The following LHFPL6 variants were observed in gnomAD, a reference collection of about 807,000 sequenced individuals.
LHFPL6 encodes the protein LHFPL tetraspan subfamily member 6.
In LHFPL6, 9 loss-of-function variants were observed where a neutral mutation model predicts 20.6. The ratio of observed to expected loss-of-function variants is 0.44; its 90% CI spans 0.26 to 0.76. LHFPL6 has a LOEUF of 0.76. Among genes scored for constraint, LHFPL6 ranks in the 30% least tolerant of loss-of-function variants. The pLI, the probability that LHFPL6 is intolerant of heterozygous loss-of-function variation, is 0.20. For synonymous variants in LHFPL6, 105 were observed against 98.7 expected (o/e 1.06, Z -0.38); for missense variants, 218 against 253.5 (o/e 0.86, Z 0.95).
chr13:39,588,648 A>G (rs1872520664), intron 2 of LHFPL6, among the ~76,000 whole-genome samples: 1 of 152,254 alleles, frequency 6.6e-6, no homozygotes, highest in Non-Finnish European at 1.5e-5. Flanking sequence ...CCTCAGTTCT[A>G]AGGGGACATT....
chr13:39,428,311 C>G (rs997142178), intron 2 of LHFPL6, among the ~76,000 whole-genome samples: 3 of 152,076 alleles, frequency 2.0e-5, no homozygotes, highest in African/African-American at 7.3e-5. Context: ...TTAAAAGTTT[C>G]ATAGAATTCA....
At chr13:39,378,774 T>G (rs1235475059) in intron 2 of LHFPL6, among the ~76,000 whole-genome samples, 2 of 152,224 alleles carry the variant, frequency 1.3e-5, no homozygotes, top group Non-Finnish European at 2.9e-5. Context: ...TTAAAAGCCT[T>G]GCAAATCCTG....
At chr13:39,461,798 C>A (rs184383385) in intron 2 of LHFPL6, among the ~76,000 whole-genome samples, 423 of 150,680 alleles carry the variant, frequency 2.8e-3, no homozygotes, top group Non-Finnish European at 5.2e-3. Flanking sequence ...ATTAAACAGT[C>A]TCAGCCCAGC....
intron 2 of LHFPL6, among the ~76,000 whole-genome samples, chr13:39,463,527 G>T (rs1286439194): frequency 6.6e-6 from 1 of 152,024 alleles, no homozygotes; most frequent in Non-Finnish European, 1.5e-5. Context: ...TGTATATCTT[G>T]CATACAAAGA....
At position 39,568,277 on chromosome 13, in the gene LHFPL6, GA is replaced by G. The variant is rs36041811; in HGVS notation, c.385+32554del. On this transcript the variant is annotated intron_variant, in intron 2 of 3. Transcript: ENST00000379589. Reference sequence around the variant, plus strand: ...GAACAATATAAAGTGGAAATATCCAGAAAAAAAAAACAGAATATGATATAGA... The same window carrying G: ...GAACAATATAAAGTGGAAATATCCAGAAAAAAAAACAGAATATGATATAGA... 4.4e-4 allele frequency among the ~76,000 whole-genome samples: 65 copies of G among 148,368 alleles called. 1 individual carries two copies. Among genetic ancestry groups the G allele is most frequent in the African/African-American group, 1.1e-3 (44 of 40,590 alleles).
At position 39,496,678 on chromosome 13, in the gene LHFPL6, T is replaced by C. The variant is rs187030374; in HGVS notation, c.385+104154A>G. Among the ~76,000 whole-genome samples the C allele has an allele frequency of 2.7e-3, 416 of 152,308 alleles. 3 individuals carry two copies. The highest frequency in any genetic ancestry group is 9.5e-3 in the African/African-American group (396 of 41,566). ...ATAAAAGAGCATGCAGCTTCATGAA[T>C]GGCTAGACCAAAAATACTCACCACA... is the stretch of plus-strand genomic sequence containing the variant. On this transcript the variant is annotated intron_variant, in intron 2 of 3. Transcript: ENST00000379589.
At chr13:39,362,867 T>C (rs566866045) in intron 3 of LHFPL6, among the ~76,000 whole-genome samples, 3 of 152,308 alleles carry the variant, frequency 2.0e-5, no homozygotes, top group Admixed American at 6.5e-5. Flanking sequence ...ATTCAGGAGA[T>C]GAATAAGTGT....
rs138491299 is a variant in LHFPL6 at position 39,437,632 on chromosome 13, G to A, written c.386-59106C>T. Among the ~76,000 whole-genome samples the A allele has an allele frequency of 5.9e-3, 900 of 152,250 alleles. 6 individuals carry two copies. The highest frequency in any genetic ancestry group is 0.02 in the African/African-American group (849 of 41,540). ...TGCAAGAATTAAATAGGCCAGGCGC[G>A]GTGGCTCACGCCTGTAATCCCAGCA... On this transcript the variant is annotated intron_variant, in intron 2 of 3. Coordinates refer to ENST00000379589, the MANE Select transcript of LHFPL6 (RefSeq NM_005780.3).
At chr13:39,409,145 T>A (rs1464439308) in intron 2 of LHFPL6, among the ~76,000 whole-genome samples, 1 of 152,178 alleles carries the variant, frequency 6.6e-6, no homozygotes, top group Non-Finnish European at 1.5e-5. Context: ...CCCTGAGTCA[T>A]CAGACCTAGC....
intron 1 of LHFPL6, among the ~76,000 whole-genome samples, chr13:39,601,921 G>A (rs1037992772): frequency 1.3e-5 from 2 of 152,066 alleles, no homozygotes; most frequent in East Asian, 1.9e-4. Flanking sequence ...GTCTGCGGAG[G>A]CACCCACAGT....
intron 2 of LHFPL6, among the ~76,000 whole-genome samples, chr13:39,493,326 AAAAAG>A (rs1015053345): frequency 4.6e-5 from 7 of 151,018 alleles, no homozygotes; most frequent in African/African-American, 9.7e-5. Flanking sequence ...AAAAATAGGG[AAAAAG>A]AAAAGAAAAG....
At chr13:39,431,276 A>T (rs1871792060) in intron 2 of LHFPL6, among the ~76,000 whole-genome samples, 1 of 152,202 alleles carries the variant, frequency 6.6e-6, no homozygotes, top group Non-Finnish European at 1.5e-5. Flanking sequence ...TCCTGAAGTC[A>T]GCAAGACTAC....
In LHFPL6 at chr13:39,596,089, GATAA is replaced by G. The variant is rs574843407; in HGVS notation, c.385+4739_385+4742del. On this transcript the variant is annotated intron_variant, in intron 2 of 3. Coordinates refer to ENST00000379589, the MANE Select transcript of LHFPL6 (RefSeq NM_005780.3). ...AAATCTTGTGTCTGGTATAAAAAAT[GATAA>G]ATAAAAGGAAATGTTATATATAATT... is the stretch of plus-strand genomic sequence containing the variant. Among the ~76,000 whole-genome samples, 6 of 152,084 alleles carry G rather than the reference GATAA, an allele frequency of 3.9e-5. No homozygotes were observed. In the South Asian group the frequency reaches 1.2e-3, roughly 32 times the overall value.
chr13:39,491,325 C>T (rs900135531), intron 2 of LHFPL6, among the ~76,000 whole-genome samples: 2 of 152,008 alleles, frequency 1.3e-5, no homozygotes, highest in African/African-American at 2.4e-5. Context: ...GCTGGGTTCG[C>T]GTAAGGGATA....
intron 2 of LHFPL6, among the ~76,000 whole-genome samples, chr13:39,528,567 T>C (rs564342727): frequency 2.0e-5 from 3 of 152,310 alleles, no homozygotes; most frequent in East Asian, 1.9e-4. Context: ...TTGCTCACCA[T>C]AGTGCCACTT....
At chr13:39,499,090 T>C (rs1265096285) in intron 2 of LHFPL6, among the ~76,000 whole-genome samples, 2 of 152,206 alleles carry the variant, frequency 1.3e-5, no homozygotes, top group African/African-American at 4.8e-5. Context: ...CTTGAACTCC[T>C]GACCTCAGGT....
At chr13:39,517,853 C>G (rs1869976934) in intron 2 of LHFPL6, among the ~76,000 whole-genome samples, 1 of 152,118 alleles carries the variant, frequency 6.6e-6, no homozygotes, top group Non-Finnish European at 1.5e-5. Context: ...TTGTACTTCC[C>G]TTTACTCTCA....
At chr13:39,434,073 A>G (rs534430367) in intron 2 of LHFPL6, among the ~76,000 whole-genome samples, 2 of 152,204 alleles carry the variant, frequency 1.3e-5, no homozygotes, top group African/African-American at 4.8e-5. Context: ...ACATCTACCA[A>G]TGGATTCTTT....
At chr13:39,559,991 C>T (rs752092397) in intron 2 of LHFPL6, among the ~76,000 whole-genome samples, 5 of 152,146 alleles carry the variant, frequency 3.3e-5, no homozygotes, top group Non-Finnish European at 7.3e-5. Context: ...CTGAATCAGA[C>T]AACTGGTGCA....
Sources: gnomAD v4.1 joint callset for allele counts (sites outside exome capture counted in the v4.1 genomes callset) on GRCh38, gnomAD v4.1.1 for gene constraint, MANE v1.5 for transcripts, NCBI Gene and HGNC (gene_info 2026-07-23, HGNC 2026-07-21) for gene names.